The following SCN4B variants were observed in gnomAD, a reference collection of about 807,000 sequenced individuals.
SCN4B encodes sodium voltage-gated channel beta subunit 4.
A neutral mutation model predicts 19.6 loss-of-function variants in SCN4B; 20 were observed. That is an observed-to-expected ratio of 1.02 (90% CI 0.72 to 1.48). SCN4B has a LOEUF of 1.48. Among genes scored for constraint, SCN4B ranks in the 40% most tolerant of loss-of-function variants. The pLI is 0.00. For synonymous variants in SCN4B, 127 were observed against 122.8 expected, an observed-to-expected ratio of 1.03 and a Z score of -0.22; for missense variants, 271 against 287.5, an observed-to-expected ratio of 0.94 and a Z score of 0.42.
At chr11:118,144,954 G>A in intron 2 of SCN4B, 103 bp downstream of exon 2, 1 of 1,181,358 alleles carries the variant, frequency 8.5e-7, no homozygotes, top group Non-Finnish European at 1.3e-6. Flanking sequence ...GGTGGGTTCT[G>A]GGGACCATCG....
intron 1 of SCN4B, among the ~76,000 whole-genome samples, chr11:118,146,028 C>T (rs1204574708): frequency 1.3e-5 from 2 of 151,904 alleles, no homozygotes; most frequent in East Asian, 3.9e-4. Context: ...GCAGAAGACA[C>T]CCTGGGGAGG....
intron 1 of SCN4B, among the ~76,000 whole-genome samples, chr11:118,152,185 G>A (rs1235780159): frequency 6.6e-6 from 1 of 151,990 alleles, no homozygotes; most frequent in African/African-American, 2.4e-5. Context: ...TGGTGCCTGG[G>A]AAACAAGCAA....
intron 1 of SCN4B, among the ~76,000 whole-genome samples, chr11:118,152,044 C>T (rs1003956825): frequency 6.6e-6 from 1 of 152,186 alleles, no homozygotes; most frequent in African/African-American, 2.4e-5. Flanking sequence ...CAAGCCCCTC[C>T]AGCCCCTTCC....
Position 118,134,555 on chromosome 11 carries a change from C to T in SCN4B, c.*2472G>A. 1 of 454,066 alleles carries T rather than the reference C, an allele frequency of 2.2e-6. No homozygotes were observed. Among genetic ancestry groups the T allele is most frequent in the Admixed American group, 2.3e-5 (1 of 42,576 alleles). The allele number at this position is 454,066 out of a possible 1,614,324, so 28.1% of individuals were successfully genotyped here. A position where few individuals can be genotyped will look rare whatever the true frequency, so the allele number is the denominator to read the frequency against. ...CGCATGGGGGCAACCAAAAATGCCC[C>T]CCCTACAATCTCAGTCACCTCTATT... On this transcript the variant is annotated 3_prime_UTR_variant, in exon 5 of 5. Coordinates refer to ENST00000324727, the MANE Select transcript of SCN4B (RefSeq NM_174934.4).
At chr11:118,147,970 TA>T (rs1244471030) in intron 1 of SCN4B, among the ~76,000 whole-genome samples, 1 of 152,160 alleles carries the variant, frequency 6.6e-6, no homozygotes, top group Non-Finnish European at 1.5e-5. Flanking sequence ...TTGCTTTAAA[TA>T]GAAGCAAAAA....
intron 3 of SCN4B, among the ~76,000 whole-genome samples, chr11:118,143,316 T>C (rs1304662336): frequency 6.6e-6 from 1 of 152,228 alleles, no homozygotes; most frequent in Non-Finnish European, 1.5e-5. Context: ...TTACTCCATC[T>C]CTGTTGTTTT....
At position 118,136,849 on chromosome 11, in the gene SCN4B, C is replaced by A; in HGVS notation, c.*178G>T. 1 of 690,094 alleles carries A rather than the reference C, an allele frequency of 1.4e-6. No homozygotes were observed. Among genetic ancestry groups the A allele is most frequent in the Non-Finnish European group, 2.7e-6 (1 of 376,672 alleles). 42.7% of individuals were successfully genotyped at this position (690,094 alleles called of 1,614,324 possible). ...TGGCCATCCCTTGTCCCTGGGGAGC[C>A]CTGACTGGGAAGGGGATGGGCAGGC... On this transcript the variant is annotated 3_prime_UTR_variant, in exon 5 of 5. Coordinates refer to ENST00000324727, the MANE Select transcript of SCN4B (RefSeq NM_174934.4).
rs565880138 is a variant in SCN4B at position 118,136,181 on chromosome 11, G to A, written c.*846C>T. The A allele has an allele frequency of 2.2e-6, 1 of 453,608 alleles. No individual in the cohort carries two copies. The highest frequency in any genetic ancestry group is 7.0e-5 in the East Asian group (1 of 14,334). 28.1% of individuals were successfully genotyped at this position (453,608 alleles called of 1,614,324 possible). The stretch of plus-strand genomic sequence containing the variant: ...AGGGGAGGGGCTGCCAGCATTGGCA[G>A]CAATGGGGCGGGCATCCCAGAGGCC... On this transcript the variant is annotated 3_prime_UTR_variant, in exon 5 of 5. Transcript: ENST00000324727.
Position 118,134,780 on chromosome 11 carries a change from AC to A in SCN4B, c.*2246del, listed in dbSNP as rs1947972189. 1 of 453,984 alleles carries A rather than the reference AC, an allele frequency of 2.2e-6. No individual in the cohort carries two copies. Among genetic ancestry groups the A allele is most frequent in the Admixed American group, 2.3e-5 (1 of 42,556 alleles). The allele number at this position is 453,984 out of a possible 1,614,324, so 28.1% of individuals were successfully genotyped here. ...ACTTGGAACTATCCCTGCAATTAAT[AC>A]CTGGCTTCCCAGATCCCTTTCCAAG... On this transcript the variant is annotated 3_prime_UTR_variant, in exon 5 of 5. Transcript: ENST00000324727.
chr11:118,145,628 A>C (rs1948163410), intron 1 of SCN4B: 2 of 424,426 alleles, frequency 4.7e-6, no homozygotes, highest in Admixed American at 3.7e-5. Context: ...TTCTGTTTGC[A>C]GGGGAATTCC....
intron 4 of SCN4B, among the ~76,000 whole-genome samples, chr11:118,140,974 G>A (rs906510575): frequency 2.0e-5 from 3 of 151,996 alleles, no homozygotes; most frequent in East Asian, 3.9e-4. Context: ...AGTGGCTGGC[G>A]TTTGTGTATT....
intron 1 of SCN4B, among the ~76,000 whole-genome samples, chr11:118,146,392 G>T (rs889490530): frequency 5.9e-5 from 9 of 152,148 alleles, no homozygotes; most frequent in African/African-American, 2.2e-4. Context: ...GGGGCGGGGA[G>T]GGTGTCTGGA....
chr11:118,135,103 A>G lies in SCN4B; in HGVS notation c.*1924T>C, dbSNP rs1194579567. 1.3e-5 allele frequency: 6 copies of G among 453,998 alleles called. No homozygotes were observed. The highest frequency in any genetic ancestry group is 2.2e-5 in the Non-Finnish European group (5 of 226,804). The allele number at this position is 453,998 out of a possible 1,614,324, so 28.1% of individuals were successfully genotyped here. ...AACAGTTTTGCATGAAGGTAGCTAT[A>G]AGAAGTTTTCTGAATGGCTGGTGGC... On this transcript the variant is annotated 3_prime_UTR_variant, in exon 5 of 5. Transcript: ENST00000324727.
Position 118,135,802 on chromosome 11 carries a change from C to T in SCN4B, c.*1225G>A. On this transcript the variant is annotated 3_prime_UTR_variant, in exon 5 of 5. Coordinates refer to ENST00000324727, the MANE Select transcript of SCN4B (RefSeq NM_174934.4). ...AGGACTAAGGCACATTCTAGCCCCA[C>T]ACACAAGGGCTGTGCAAACCAGCTC... 2.2e-6 allele frequency: 1 copy of T among 454,548 alleles called. No individual in the cohort carries two copies. Among genetic ancestry groups the T allele is most frequent in the South Asian group, 1.6e-5 (1 of 64,480 alleles). 28.2% of individuals were successfully genotyped at this position (454,548 alleles called of 1,614,324 possible). A position where few individuals can be genotyped will look rare whatever the true frequency, so the allele number is the denominator to read the frequency against.
chr11:118,135,401 C>T lies in SCN4B; in HGVS notation c.*1626G>A, dbSNP rs1202865485. 1 of 454,120 alleles carries T rather than the reference C, an allele frequency of 2.2e-6. No individual in the cohort carries two copies. The allele number at this position is 454,120 out of a possible 1,614,324, so 28.1% of individuals were successfully genotyped here. ...AACTCTCTGAAAAAGGGGGCTACTCCTCTCTCATCCCTCCTAGGGGCCCAG... is the reference window on the plus strand; with the variant it reads ...AACTCTCTGAAAAAGGGGGCTACTCTTCTCTCATCCCTCCTAGGGGCCCAG... On this transcript the variant is annotated 3_prime_UTR_variant, in exon 5 of 5. Coordinates refer to ENST00000324727, the MANE Select transcript of SCN4B (RefSeq NM_174934.4).
rs559032799 is a variant in SCN4B, at chr11:118,136,040, G to A, written c.*987C>T. 3.7e-5 allele frequency: 16 copies of A among 434,836 alleles called. No individual in the cohort carries two copies. The highest frequency in any genetic ancestry group is 7.3e-5 in the Admixed American group (3 of 40,818). The allele number at this position is 434,836 out of a possible 1,614,324, so 26.9% of individuals were successfully genotyped here. ...CAGGGCGTGATGGAGGGCACGGTGG[G>A]GGGGGGGGAGCGAGCCAATGGGAGG... On this transcript the variant is annotated 3_prime_UTR_variant, in exon 5 of 5. Coordinates refer to ENST00000324727, the MANE Select transcript of SCN4B (RefSeq NM_174934.4).
In SCN4B at chr11:118,149,753, C is replaced by G. The variant is rs577603086; in HGVS notation, c.61+2860G>C. ...CCCCTGGCTTATGCAGAGATCCCTACACCTCCTTGAGGACTGGCAGCAGGG... is the reference window on the plus strand; with the variant it reads ...CCCCTGGCTTATGCAGAGATCCCTAGACCTCCTTGAGGACTGGCAGCAGGG... On this transcript the variant is annotated intron_variant, in intron 1 of 4. Transcript: ENST00000324727. 4.5e-4 allele frequency among the ~76,000 whole-genome samples: 68 copies of G among 152,340 alleles called. 2 individuals carry two copies. In the South Asian group the frequency reaches 0.013, roughly 28 times the overall value.
intron 2 of SCN4B, among the ~76,000 whole-genome samples, 154 bp downstream of exon 2, chr11:118,144,903 G>C (rs769158505): frequency 4.6e-5 from 7 of 152,152 alleles, no homozygotes; most frequent in Non-Finnish European, 1.0e-4. Flanking sequence ...CATCCTTCCT[G>C]GCAGGCTCTG....
chr11:118,137,831 A>T (rs1948039088), intron 4 of SCN4B, among the ~76,000 whole-genome samples: 2 of 152,114 alleles, frequency 1.3e-5, no homozygotes, highest in Non-Finnish European at 2.9e-5. Flanking sequence ...TATGCTGAGG[A>T]CACAGAGTCC....
Sources: gnomAD v4.1 joint callset for allele counts (sites outside exome capture counted in the v4.1 genomes callset) on GRCh38, gnomAD v4.1.1 for gene constraint, MANE v1.5 for transcripts, NCBI Gene and HGNC (gene_info 2026-07-23, HGNC 2026-07-21) for gene names.